The following SLC35D2 variants were observed in gnomAD, a reference collection of about 807,000 sequenced individuals.
SLC35D2 encodes nucleotide sugar transporter SLC35D2.
SLC35D2 carries 43 observed loss-of-function variants against 41.8 expected under a neutral mutation model. That is an observed-to-expected ratio of 1.03 (90% CI 0.81 to 1.33). The LOEUF (loss-of-function observed/expected upper bound fraction) is 1.33. SLC35D2 is among the 40% of genes most tolerant of loss of function. The pLI, the probability that SLC35D2 is intolerant of heterozygous loss-of-function variation, is 0.00. For missense variants in SLC35D2, 380 were observed against 408.4 expected, an observed-to-expected ratio of 0.93 and a Z score of 0.60; for synonymous variants, 150 against 163.9, an observed-to-expected ratio of 0.92 and a Z score of 0.65.
At chr9:96,368,198 A>C (rs1223748975) in intron 2 of SLC35D2, 74 bp downstream of exon 2, 1 of 1,266,176 alleles carries the variant, frequency 7.9e-7, no homozygotes, top group Non-Finnish European at 1.1e-6. Context: ...CACAGCTTTA[A>C]ACAAAAGGAC....
intron 9 of SLC35D2, among the ~76,000 whole-genome samples, chr9:96,336,020 A>C (rs1587846749): frequency 6.7e-6 from 1 of 150,144 alleles, no homozygotes; most frequent in East Asian, 2.0e-4. Flanking sequence ...ACTATACTCT[A>C]GCCTGGGCAA....
At chr9:96,342,916 T>C (rs1004296003) in intron 8 of SLC35D2, among the ~76,000 whole-genome samples, 1 of 152,182 alleles carries the variant, frequency 6.6e-6, no homozygotes, top group Admixed American at 6.5e-5. Context: ...TTGCTAAATA[T>C]GGAAACACTG....
At position 96,382,496 on chromosome 9, in the gene SLC35D2, C is replaced by CACACTATATATA. The variant is rs200897475; in HGVS notation, c.158+980_158+981insTATATATAGTGT. 2.6e-4 allele frequency among the ~76,000 whole-genome samples: 33 copies of CACACTATATATA among 127,940 alleles called. 1 individual carries two copies. The South Asian group carries it at 8.7e-3, about 34-fold the overall frequency. The allele number at this position is 127,940 out of a possible 152,430, so 83.9% of individuals were successfully genotyped here. A position where few individuals can be genotyped will look rare whatever the true frequency, so the allele number is the denominator to read the frequency against. ...ACACACACACACACACACACACACACTATATATATATATATATATATGCCT... is the reference window on the plus strand; with the variant it reads ...ACACACACACACACACACACACACACACACTATATATATATATATATATATATATATATGCCT... On this transcript the variant is annotated intron_variant, in intron 1 of 11. Coordinates refer to ENST00000253270, the MANE Select transcript of SLC35D2 (RefSeq NM_007001.3).
intron 4 of SLC35D2, among the ~76,000 whole-genome samples, chr9:96,355,916 C>G (rs1163978085): frequency 6.6e-6 from 1 of 152,212 alleles, no homozygotes; most frequent in African/African-American, 2.4e-5. Context: ...ATTAAAAATA[C>G]TCTTCAAATA....
chr9:96,337,692 T>C (rs1019854492), intron 8 of SLC35D2, among the ~76,000 whole-genome samples: 1 of 151,976 alleles, frequency 6.6e-6, no homozygotes, highest in African/African-American at 2.4e-5. Flanking sequence ...GTTTAAGACT[T>C]CATTTTTGGC....
At chr9:96,323,770 T>C (rs987213193) in intron 10 of SLC35D2, among the ~76,000 whole-genome samples, 5 of 151,508 alleles carry the variant, frequency 3.3e-5, no homozygotes, top group Non-Finnish European at 7.4e-5. Flanking sequence ...ACCAAAAATA[T>C]AAAAAATTAG....
chr9:96,329,021 G>A (rs1828679831), intron 9 of SLC35D2, among the ~76,000 whole-genome samples: 1 of 151,180 alleles, frequency 6.6e-6, no homozygotes, highest in African/African-American at 2.4e-5. Context: ...CCAGGAGGCG[G>A]AGGTTGCAGT....
rs751533731 is a variant in SLC35D2, at chr9:96,321,350, AG to A, written c.915-10del. On this transcript the variant is annotated splice_polypyrimidine_tract_variant and intron_variant, in intron 11 of 11. Transcript: ENST00000253270. ...TCAAGCCCCCTGCCATGCTGAAAGG[AG>A]AAAAAAAAGTGAAAATAAATGACTG... is the stretch of plus-strand genomic sequence containing the variant. The A allele has an allele frequency of 6.2e-7, 1 of 1,602,736 alleles. No individual in the cohort carries two copies. Among genetic ancestry groups the A allele is most frequent in the African/African-American group, 1.3e-5 (1 of 74,674 alleles).
At chr9:96,340,658 A>G (rs1829282954) in intron 8 of SLC35D2, among the ~76,000 whole-genome samples, 1 of 148,706 alleles carries the variant, frequency 6.7e-6, no homozygotes, top group Admixed American at 6.7e-5. Flanking sequence ...AAACTAGTCA[A>G]ATTTTTAACT....
intron 2 of SLC35D2, among the ~76,000 whole-genome samples, chr9:96,366,043 C>T (rs1313154973): frequency 1.3e-5 from 2 of 152,236 alleles, no homozygotes; most frequent in Non-Finnish European, 2.9e-5. Context: ...GTGGCTCACG[C>T]CCATAATCCC....
At chr9:96,359,076 G>A (rs1416132397) in intron 4 of SLC35D2, among the ~76,000 whole-genome samples, 8 of 151,826 alleles carry the variant, frequency 5.3e-5, no homozygotes, top group South Asian at 4.2e-4. Flanking sequence ...AGGCTGAGGC[G>A]GGCGGATCAC....
rs775258573 is a variant in SLC35D2, at chr9:96,345,344, G to A, written c.546C>T (p.Phe182=). 3.7e-6 allele frequency: 6 copies of A among 1,612,226 alleles called. No individual in the cohort carries two copies. The South Asian group carries it at 6.6e-5, about 18-fold the overall frequency. The change falls in exon 7 of 12, where the codon TTC becomes TTT. Residue 182 remains phenylalanine, a synonymous_variant. Transcript: ENST00000253270. ...GYIFVFLNDI[F]TAANGVYTKQ... is the part of the protein sequence containing the mutation. ...TGGTATAAACTCCATTTGCTGCTGT[G>A]AAGATATCATTCAGGAATACAAAAA...
chr9:96,322,020 TTAACAA>T lies in SLC35D2; in HGVS notation c.886_891del (p.Leu296_Leu297del). On this transcript the variant is annotated inframe_deletion, in exon 11 of 12. Coordinates refer to ENST00000253270, the MANE Select transcript of SLC35D2 (RefSeq NM_007001.3). ...CACCAAATATTTAACCCTACAAAGT[TTAACAA>T]AGAGAAAATGTAGTCTCCACCGATT... 6.2e-7 allele frequency: 1 copy of T among 1,604,116 alleles called. No homozygotes were observed. The highest frequency in any genetic ancestry group is 8.5e-7 in the Non-Finnish European group (1 of 1,171,752).
At chr9:96,354,094 C>T (rs995427230) in intron 4 of SLC35D2, among the ~76,000 whole-genome samples, 1 of 152,316 alleles carries the variant, frequency 6.6e-6, no homozygotes, top group South Asian at 2.1e-4. Context: ...AACAACAAAA[C>T]GCTTTATATT....
downstream of SLC35D2, among the ~76,000 whole-genome samples, chr9:96,316,125 C>T (rs1005824023): frequency 4.6e-5 from 7 of 152,092 alleles, no homozygotes; most frequent in African/African-American, 1.7e-4. Context: ...AGGGAAAATC[C>T]GGATGTATTC....
chr9:96,340,277 T>G (rs562771322), intron 8 of SLC35D2, among the ~76,000 whole-genome samples: 6 of 152,170 alleles, frequency 3.9e-5, no homozygotes, highest in African/African-American at 1.4e-4. Context: ...CAGATTACAG[T>G]GAGTGTCTCA....
Position 96,360,185 on chromosome 9 carries a change from T to A in SLC35D2, c.316A>T (p.Ile106Leu). ...PLPLLYVGNH[I>L]SGLSSTSKLS... is the part of the protein sequence containing the mutation. ...TTACTTGTGCTTGATAATCCACTTA[T>A]GTGGTTTCCAACGTAGAGGAGAGGC... is the stretch of plus-strand genomic sequence containing the variant. The change falls in exon 4 of 12, where the codon ATA (isoleucine) becomes TTA (leucine). Residue 106 changes from isoleucine (I) to leucine (L), a missense_variant. Coordinates refer to ENST00000253270, the MANE Select transcript of SLC35D2 (RefSeq NM_007001.3). 2 of 1,613,242 alleles carry A rather than the reference T, an allele frequency of 1.2e-6. No homozygotes were observed. The highest frequency in any genetic ancestry group is 1.7e-6 in the Non-Finnish European group (2 of 1,179,560).
chr9:96,349,230 A>G (rs13284438), intron 6 of SLC35D2, among the ~76,000 whole-genome samples: 4,361 of 152,290 alleles, frequency 0.029, 79 homozygotes, highest in Middle Eastern at 0.058. Context: ...CAGAGAAGAC[A>G]AGGAATGCAG....
At chr9:96,366,298 GA>G (rs369811519) in intron 2 of SLC35D2, among the ~76,000 whole-genome samples, 877 of 70,402 alleles carry the variant, frequency 0.012, 5 homozygotes, top group Admixed American at 0.02. Context: ...CCAGACACTG[GA>G]AAAAAAAAAA....
Sources: allele counts gnomAD v4.1 joint callset (sites outside exome capture counted in the v4.1 genomes callset), GRCh38; gene constraint gnomAD v4.1.1; transcripts MANE v1.5; gene names NCBI Gene and HGNC (gene_info 2026-07-23, HGNC 2026-07-21).